The following CACNA1G variants were observed in gnomAD, a reference collection of about 807,000 sequenced individuals.
CACNA1G encodes the protein calcium voltage-gated channel subunit alpha1 G.
In CACNA1G, 67 loss-of-function variants were observed where a neutral mutation model predicts 219.4. The observed-to-expected ratio is 0.31, with a 90% CI of 0.25 to 0.37. The LOEUF (loss-of-function observed/expected upper bound fraction) is 0.37. Ranked by LOEUF, CACNA1G falls within the 10% of genes least tolerant of loss-of-function variation. CACNA1G has a pLI of 1.00. For synonymous variants in CACNA1G, 1,296 were observed against 1,345.3 expected (o/e 0.96, Z 0.80); for missense variants, 2,380 against 3,231.4 (o/e 0.74, Z 6.39).
rs1451274229 is a variant in CACNA1G at position 50,627,419 on chromosome 17, A to C, written c.*668A>C. 2.0e-5 allele frequency: 7 copies of C among 346,158 alleles called. No homozygotes were observed. Among genetic ancestry groups the C allele is most frequent in the Admixed American group, 1.6e-4 (4 of 25,442 alleles). The allele number at this position is 346,158 out of a possible 1,614,324, so 21.4% of individuals were successfully genotyped here. On this transcript the variant is annotated 3_prime_UTR_variant, in exon 38 of 38. Coordinates refer to ENST00000359106, the MANE Select transcript of CACNA1G (RefSeq NM_018896.5). ...AACCTTTTTATATATACATACATAC[A>C]TATCTATCTATCTATCTATATATAT...
At chr17:50,569,647 C>T in intron 3 of CACNA1G, 59 bp from the exon 4 acceptor site, 1 of 1,241,434 alleles carries the variant, frequency 8.1e-7, no homozygotes, top group Non-Finnish European at 1.1e-6. Flanking sequence ...TCATTGACCT[C>T]TTTTGACCCC....
chr17:50,594,875 C>T, intron 13 of CACNA1G, 118 bp from the exon 14 acceptor site: 2 of 681,420 alleles, frequency 2.9e-6, no homozygotes, highest in East Asian at 2.8e-5. Flanking sequence ...TCTCTCAGTT[C>T]CCCTGCTGTG....
chr17:50,581,017 C>T (rs1222135220), intron 9 of CACNA1G, among the ~76,000 whole-genome samples: 1 of 148,770 alleles, frequency 6.7e-6, no homozygotes, highest in Non-Finnish European at 1.5e-5. Context: ...GAGACAGAGA[C>T]ACATGGGGGA....
Position 50,576,279 on chromosome 17 carries a change from C to T in CACNA1G, c.1877C>T (p.Pro626Leu). The T allele has an allele frequency of 1.3e-6, 2 of 1,584,710 alleles. No homozygotes were observed. Among genetic ancestry groups the T allele is most frequent in the Non-Finnish European group, 1.7e-6 (2 of 1,166,044 alleles). The change falls in exon 8 of 38, where the codon CCC becomes CTC. Residue 626 changes from proline to leucine, a missense_variant. Pro to Leu is a moderately conservative substitution (Grantham distance 98). Around this residue, in one of 17 missense-constraint regions of CACNA1G, gnomAD observed 434 missense variants for 417.3 expected, o/e 1.04. Coordinates refer to ENST00000359106, the MANE Select transcript of CACNA1G (RefSeq NM_018896.5). ...ACCCTCACCAGCCTCAACATCCCAC[C>T]CGGGCCCTACAGCTCCATGCACAAG... Reference protein sequence around the residue: ...PPTLTSLNIPPGPYSSMHKLL... With the variant: ...PPTLTSLNIPLGPYSSMHKLL...
intron 13 of CACNA1G, among the ~76,000 whole-genome samples, chr17:50,593,846 G>T (rs912268908): frequency 1.9e-4 from 29 of 152,320 alleles, no homozygotes; most frequent in East Asian, 3.9e-4. Context: ...CATGGGAGGG[G>T]CTGGGCCAGT....
intron 1 of CACNA1G, among the ~76,000 whole-genome samples, chr17:50,565,588 G>A (rs747215356): frequency 1.3e-5 from 2 of 152,074 alleles, no homozygotes; most frequent in African/African-American, 2.4e-5. Flanking sequence ...TCTCCTCAAC[G>A]TTCCTTAGTC....
chr17:50,608,591 A>G (rs2048469840), intron 25 of CACNA1G, among the ~76,000 whole-genome samples: 1 of 151,666 alleles, frequency 6.6e-6, no homozygotes, highest in African/African-American at 2.4e-5. Context: ...AACAAAAACA[A>G]AAAAAGAAAA....
At position 50,596,866 on chromosome 17, in the gene CACNA1G, C is replaced by G; in HGVS notation, c.3201C>G (p.Arg1067=). 3.1e-6 allele frequency: 5 copies of G among 1,594,752 alleles called. No homozygotes were observed. The highest frequency in any genetic ancestry group is 4.3e-6 in the Non-Finnish European group (5 of 1,170,988). ...GLGEALGPAS[R]RTSSSGSAEP... Reference sequence around the variant, plus strand: ...GCGAGGCGCTGGGCCCTGCGTCGCGCCGCACCAGCAGCAGCGGGTCGGCAG... The same window carrying G: ...GCGAGGCGCTGGGCCCTGCGTCGCGGCGCACCAGCAGCAGCGGGTCGGCAG... Residue 1067 remains arginine, a synonymous_variant, in exon 16 of 38, where the codon CGC becomes CGG. Coordinates refer to ENST00000359106, the MANE Select transcript of CACNA1G (RefSeq NM_018896.5). The surrounding 1 kb of genome is among the most constrained non-coding windows in gnomAD (Gnocchi z 4.8).
In CACNA1G at chr17:50,599,738, G is replaced by A. The variant is rs199761120; in HGVS notation, c.3569G>A (p.Arg1190Gln). 5.6e-6 allele frequency: 9 copies of A among 1,613,636 alleles called. No homozygotes were observed. The highest frequency in any genetic ancestry group is 3.3e-5 in the Admixed American group (2 of 59,992). Residue 1190 changes from arginine to glutamine, a missense_variant, in exon 17 of 38, where the codon CGA becomes CAA. By Grantham distance (43) the Arg-to-Gln change is conservative. Coordinates refer to ENST00000359106, the MANE Select transcript of CACNA1G (RefSeq NM_018896.5). ...GGGCTGCATCGCACTGCCAGTGGCC[G>A]AGGGTCTGCTTCTGAGCACCAGGAC... ...VPGLHRTASG[R>Q]GSASEHQDCN...
intron 9 of CACNA1G, among the ~76,000 whole-genome samples, chr17:50,581,867 G>C (rs1012610506): frequency 6.6e-6 from 1 of 152,388 alleles, no homozygotes; most frequent in Admixed American, 6.5e-5. Flanking sequence ...TTGCACTGGA[G>C]TTGGGCCTAA....
At chr17:50,590,989 C>T (rs1352284013) in intron 10 of CACNA1G, among the ~76,000 whole-genome samples, 1 of 152,166 alleles carries the variant, frequency 6.6e-6, no homozygotes, top group African/African-American at 2.4e-5. Context: ...AGCTGCCCGG[C>T]TCGAAAAGTG....
chr17:50,609,993 C>A, intron 26 of CACNA1G, 58 bp downstream of exon 26: 1 of 1,517,488 alleles, frequency 6.6e-7, no homozygotes. Flanking sequence ...ACTCCCTCCC[C>A]GTGGCTCATT....
At chr17:50,611,949 C>T (rs1229337942) in intron 26 of CACNA1G, among the ~76,000 whole-genome samples, 2 of 152,208 alleles carry the variant, frequency 1.3e-5, no homozygotes, top group Non-Finnish European at 2.9e-5. Context: ...GGGTGGCACA[C>T]GCAGGCATGT....
chr17:50,602,690 T>G, intron 19 of CACNA1G, 130 bp from the exon 20 acceptor site: 1 of 738,684 alleles, frequency 1.4e-6, no homozygotes, highest in South Asian at 1.6e-5. Flanking sequence ...TGATCTACAT[T>G]GTTGTGGAGG....
intron 34 of CACNA1G, among the ~76,000 whole-genome samples, chr17:50,620,722 G>A (rs1255351544): frequency 6.6e-6 from 1 of 152,224 alleles, no homozygotes; most frequent in Non-Finnish European, 1.5e-5. Flanking sequence ...CCTGATCCCA[G>A]AAAAATGGAC....
intron 9 of CACNA1G, among the ~76,000 whole-genome samples, chr17:50,581,467 C>T (rs1056510411): frequency 2.0e-5 from 3 of 152,032 alleles, no homozygotes; most frequent in African/African-American, 7.3e-5. Flanking sequence ...CCCTCCTGGC[C>T]GTCACCGCTG....
Position 50,578,486 on chromosome 17 carries a change from C to G in CACNA1G, c.2223C>G (p.Asp741Glu). Reference sequence around the variant, plus strand: ...GTGACACCTTCCGAAAGATTGTGGACAGCAAGTACTTTGGCCGGGGAATCA... The same window carrying G: ...GTGACACCTTCCGAAAGATTGTGGAGAGCAAGTACTTTGGCCGGGGAATCA... ...LICDTFRKIVDSKYFGRGIMI... is the reference protein window; with the variant it reads ...LICDTFRKIVESKYFGRGIMI... Residue 741 changes from aspartate to glutamate, a missense_variant, in exon 9 of 38, where the codon GAC (aspartate) becomes GAG (glutamate). Transcript: ENST00000359106. The surrounding 1 kb of genome is among the most constrained non-coding windows in gnomAD (Gnocchi z 4.5). 1.3e-6 allele frequency: 2 copies of G among 1,591,486 alleles called. No individual in the cohort carries two copies. The highest frequency in any genetic ancestry group is 1.7e-6 in the Non-Finnish European group (2 of 1,167,104).
Position 50,578,689 on chromosome 17 carries a change from C to A in CACNA1G, c.2301+125C>A, listed in dbSNP as rs2041240374. 4.2e-6 allele frequency: 4 copies of A among 947,834 alleles called. No homozygotes were observed. Among genetic ancestry groups the A allele is most frequent in the Admixed American group, 6.0e-5 (2 of 33,236 alleles). The allele number at this position is 947,834 out of a possible 1,614,324, so 58.7% of individuals were successfully genotyped here. A position where few individuals can be genotyped will look rare whatever the true frequency, so the allele number is the denominator to read the frequency against. On this transcript the variant is annotated intron_variant, in intron 9 of 37. Coordinates refer to ENST00000359106, the MANE Select transcript of CACNA1G (RefSeq NM_018896.5). The surrounding 1 kb of genome is among the most constrained non-coding windows in gnomAD (Gnocchi z 4.5). ...CTCTCCATGCTGCTAGCCCACCTGG[C>A]AGGTAGGAGGGGAGGTGGGTGATGG...
chr17:50,584,388 C>A (rs2042592573), intron 9 of CACNA1G, among the ~76,000 whole-genome samples: 1 of 151,860 alleles, frequency 6.6e-6, no homozygotes, highest in Non-Finnish European at 1.5e-5. Flanking sequence ...GTCGGGGAAG[C>A]CAAGGGAGGC....
Sources: allele counts gnomAD v4.1 joint callset (sites outside exome capture counted in the v4.1 genomes callset), GRCh38; gene constraint gnomAD v4.1.1; regional missense constraint gnomAD v4.1.1; non-coding constraint Gnocchi (gnomAD v3.1); transcripts MANE v1.5; gene names NCBI Gene and HGNC (gene_info 2026-07-23, HGNC 2026-07-21).